TEX264: variants seen among roughly 807,000 people sequenced by gnomAD.
TEX264 encodes testis expressed 264, ER-phagy receptor, also known as testis-expressed protein 264.
TEX264 carries 13 observed loss-of-function variants against 23.4 expected under a neutral mutation model. That is an observed-to-expected ratio of 0.56 (90% CI 0.36 to 0.88). TEX264 has a LOEUF of 0.88. Among genes scored for constraint, TEX264 ranks in the 40% least tolerant of loss-of-function variants. The probability of loss-of-function intolerance (pLI) is 0.01; values close to 1 mark genes in which losing one functional copy is unlikely to be tolerated. For missense variants in TEX264, 340 were observed against 406.8 expected (o/e 0.84, Z 1.41); for synonymous variants, 159 against 170.0 (o/e 0.94, Z 0.50).
At chr3:51,679,833 G>T (rs535362330) in intron 2 of TEX264, among the ~76,000 whole-genome samples, 1 of 152,094 alleles carries the variant, frequency 6.6e-6, no homozygotes, top group African/African-American at 2.4e-5. Context: ...CTTTCCTCCC[G>T]AGCCTGAAGA....
chr3:51,694,107 C>T (rs1417219791), intron 3 of TEX264, among the ~76,000 whole-genome samples: 10 of 145,278 alleles, frequency 6.9e-5, no homozygotes, highest in Non-Finnish European at 1.5e-5. Context: ...TTCCTTCCTT[C>T]CTTCCTTCCT....
chr3:51,694,004 T>G (rs1702932135), intron 3 of TEX264, among the ~76,000 whole-genome samples: 1 of 104,632 alleles, frequency 9.6e-6, no homozygotes, highest in African/African-American at 4.9e-5. Context: ...CCTTCCTTCC[T>G]TCCTTCCTTC....
In TEX264 at chr3:51,704,290, G is replaced by A. The variant is rs1307988144; in HGVS notation, c.*274G>A. On this transcript the variant is annotated 3_prime_UTR_variant, in exon 5 of 5. Coordinates refer to ENST00000341333, the MANE Select transcript of TEX264 (RefSeq NM_015926.6). The stretch of plus-strand genomic sequence containing the variant: ...CTCACAGTGGAGCTTCCAGGACCCA[G>A]AATAAAGCCAATGATTTACTTGTTT... The A allele has an allele frequency of 3.1e-6, 1 of 323,560 alleles. No homozygotes were observed. Among genetic ancestry groups the A allele is most frequent in the African/African-American group, 2.1e-5 (1 of 47,016 alleles). The allele number at this position is 323,560 out of a possible 1,614,324, so 20.0% of individuals were successfully genotyped here.
At position 51,703,137 on chromosome 3, in the gene TEX264, T is replaced by C. The variant is rs1703375980; in HGVS notation, c.650-587T>C. Among the ~76,000 whole-genome samples the C allele has an allele frequency of 6.6e-6, 1 of 152,180 alleles. No individual in the cohort carries two copies. The highest frequency in any genetic ancestry group is 1.5e-5 in the Non-Finnish European group (1 of 68,022). On this transcript the variant is annotated intron_variant, in intron 4 of 4. Coordinates refer to ENST00000341333, the MANE Select transcript of TEX264 (RefSeq NM_015926.6). The surrounding 1 kb of genome is among the most constrained non-coding windows in gnomAD (Gnocchi z 4.8). ...CCATCCTCCTCGTACTTCAGCTCCC[T>C]CCTCAACTGGGACTTGGTGTGTACC...
chr3:51,678,968 TA>T (rs1559671920), intron 2 of TEX264, among the ~76,000 whole-genome samples: 1 of 152,166 alleles, frequency 6.6e-6, no homozygotes, highest in African/African-American at 2.4e-5. Flanking sequence ...ACTCCATGGT[TA>T]TTTTCTGCCA....
chr3:51,687,647 G>A (rs542684074), intron 3 of TEX264, among the ~76,000 whole-genome samples: 94 of 152,296 alleles, frequency 6.2e-4, no homozygotes, highest in Middle Eastern at 3.4e-3. Context: ...GCAGGGGTGA[G>A]AGAGGCCAGG....
At position 51,674,547 on chromosome 3, in the gene TEX264, T is replaced by C. The variant is rs1702167769; in HGVS notation, c.243T>C (p.Tyr81=). ...SPKLRSIAVY[Y]DNPHMVPPDK... ...AGCTCCGCTCCATCGCTGTCTACTA[T>C]GACAACCCCCACATGGTAAGGAGTC... is the stretch of plus-strand genomic sequence containing the variant. Residue 81 remains tyrosine, a synonymous_variant, in exon 2 of 5, where the codon TAT becomes TAC. Coordinates refer to ENST00000341333, the MANE Select transcript of TEX264 (RefSeq NM_015926.6). 3 of 1,614,112 alleles carry C rather than the reference T, an allele frequency of 1.9e-6. No homozygotes were observed. The highest frequency in any genetic ancestry group is 2.5e-6 in the Non-Finnish European group (3 of 1,180,016).
At chr3:51,697,286 G>C (rs1450092923) in intron 3 of TEX264, among the ~76,000 whole-genome samples, 1 of 152,238 alleles carries the variant, frequency 6.6e-6, no homozygotes, top group Non-Finnish European at 1.5e-5. Flanking sequence ...GCCTAGGGGA[G>C]AGGGTGGAAA....
At position 51,691,088 on chromosome 3, in the gene TEX264, G is replaced by A. The variant is rs1465337449; in HGVS notation, c.480+6454G>A. Among the ~76,000 whole-genome samples the A allele has an allele frequency of 1.3e-5, 2 of 152,256 alleles. No homozygotes were observed. The highest frequency in any genetic ancestry group is 2.9e-5 in the Non-Finnish European group (2 of 68,052). Reference sequence around the variant, plus strand: ...TCCAACCCTGGTAGTCACAGTTGGAGGCTGAGGCTTCAGGTCTAGGAGACT... The same window carrying A: ...TCCAACCCTGGTAGTCACAGTTGGAAGCTGAGGCTTCAGGTCTAGGAGACT... On this transcript the variant is annotated intron_variant, in intron 3 of 4. Coordinates refer to ENST00000341333, the MANE Select transcript of TEX264 (RefSeq NM_015926.6). This position sits in a 1 kb window ranked among gnomAD's most constrained non-coding sequence, Gnocchi z 4.4.
rs753110351 is a variant in TEX264, at chr3:51,674,538, T to C, written c.234T>C (p.Ala78=). ...CSISPKLRSI[A]VYYDNPHMVP... ...TCTCTCCCAAGCTCCGCTCCATCGC[T>C]GTCTACTATGACAACCCCCACATGG... The change falls in exon 2 of 5, where the codon GCT becomes GCC. Residue 78 remains alanine (A), a synonymous_variant. Coordinates refer to ENST00000341333, the MANE Select transcript of TEX264 (RefSeq NM_015926.6). The C allele has an allele frequency of 1.2e-6, 2 of 1,614,136 alleles. No homozygotes were observed. The highest frequency in any genetic ancestry group is 1.1e-5 in the South Asian group (1 of 91,082).
At chr3:51,696,554 C>T (rs1703065223) in intron 3 of TEX264, among the ~76,000 whole-genome samples, 1 of 152,222 alleles carries the variant, frequency 6.6e-6, no homozygotes, top group African/African-American at 2.4e-5. Context: ...CTTGTCCTCT[C>T]TGCCTGATCA....
intron 2 of TEX264, chr3:51,681,789 C>T (rs139881167): frequency 6.6e-6 from 1 of 152,344 alleles, no homozygotes; most frequent in Non-Finnish European, 1.5e-5. Context: ...CTGCTGGGGC[C>T]TGAGGCTGCA....
chr3:51,681,769 G>C (rs1702437130), intron 2 of TEX264: 1 of 152,256 alleles, frequency 6.6e-6, no homozygotes, highest in Non-Finnish European at 1.5e-5. Flanking sequence ...GCCCACCTGG[G>C]CTCTGGCCCC....
chr3:51,676,971 A>G (rs1702252771), intron 2 of TEX264, among the ~76,000 whole-genome samples: 1 of 152,150 alleles, frequency 6.6e-6, no homozygotes, highest in African/African-American at 2.4e-5. Context: ...GGCACCTGGG[A>G]TGGCTCAGGG....
chr3:51,703,966 A>T lies in TEX264; in HGVS notation c.892A>T (p.Thr298Ser). 1 of 1,569,556 alleles carries T rather than the reference A, an allele frequency of 6.4e-7. No homozygotes were observed. Among genetic ancestry groups the T allele is most frequent in the Non-Finnish European group, 8.7e-7 (1 of 1,153,058 alleles). ...RLDPGTEPLG[T>S]TKWLWEPTAP... ...GGACCCTGGGACTGAGCCCCTGGGG[A>T]CTACCAAGTGGCTCTGGGAGCCCAC... The change falls in exon 5 of 5, where the codon ACT becomes TCT. Residue 298 changes from threonine (T) to serine (S), a missense_variant. Coordinates refer to ENST00000341333, the MANE Select transcript of TEX264 (RefSeq NM_015926.6). The surrounding 1 kb of genome is among the most constrained non-coding windows in gnomAD (Gnocchi z 4.8).
intron 3 of TEX264, among the ~76,000 whole-genome samples, chr3:51,685,561 G>A (rs11923703): frequency 0.017 from 2,619 of 152,336 alleles, 43 homozygotes; most frequent in Middle Eastern, 0.065. Flanking sequence ...TAACCTCAAG[G>A]CAGAGTCCTA....
At position 51,691,673 on chromosome 3, in the gene TEX264, T is replaced by C. The variant is rs1284697098; in HGVS notation, c.480+7039T>C. 6.6e-6 allele frequency among the ~76,000 whole-genome samples: 1 copy of C among 152,018 alleles called. No homozygotes were observed. ...AGCAAGAGTTTGGGCCTAAGAGATA[T>C]AGGCTGGGTCCTGCAGGCACTAGGG... On this transcript the variant is annotated intron_variant, in intron 3 of 4. Coordinates refer to ENST00000341333, the MANE Select transcript of TEX264 (RefSeq NM_015926.6). The surrounding 1 kb of genome is among the most constrained non-coding windows in gnomAD (Gnocchi z 4.4).
rs939371906 is a variant in TEX264, at chr3:51,691,280, T to C, written c.480+6646T>C. Among the ~76,000 whole-genome samples, 1 of 152,180 alleles carries C rather than the reference T, an allele frequency of 6.6e-6. No individual in the cohort carries two copies. The highest frequency in any genetic ancestry group is 2.4e-5 in the African/African-American group (1 of 41,440). ...CTCAGTGAGGCAGAGGCGGTTCTAT[T>C]CCCAGGCTTCCCTCCCTGGATCTCA... On this transcript the variant is annotated intron_variant, in intron 3 of 4. Coordinates refer to ENST00000341333, the MANE Select transcript of TEX264 (RefSeq NM_015926.6). The surrounding 1 kb of genome is among the most constrained non-coding windows in gnomAD (Gnocchi z 4.4).
chr3:51,674,228 A>AGAGT, intron 1 of TEX264, 43 bp from the exon 2 acceptor site: 1 of 1,588,860 alleles, frequency 6.3e-7, no homozygotes, highest in African/African-American at 1.3e-5. Flanking sequence ...GCACATTGTC[A>AGAGT]GAGTAGGCTA....
Sources: gnomAD v4.1 joint callset for allele counts (sites outside exome capture counted in the v4.1 genomes callset) on GRCh38, gnomAD v4.1.1 for gene constraint, Gnocchi (gnomAD v3.1) non-coding constraint, MANE v1.5 for transcripts, NCBI Gene and HGNC (gene_info 2026-07-23, HGNC 2026-07-21) for gene names.